The following ENOX1 variants were observed in gnomAD, a reference collection of about 807,000 sequenced individuals.
The protein encoded by ENOX1 is ecto-NOX disulfide-thiol exchanger 1.
Under a neutral mutation model 82.5 loss-of-function variants are expected in ENOX1, and 42 were observed. The observed-to-expected ratio is 0.51, with a 90% CI of 0.40 to 0.66. ENOX1 has a LOEUF of 0.66. Among genes scored for constraint, ENOX1 ranks in the 30% least tolerant of loss-of-function variants. The pLI is 0.00. For missense variants in ENOX1, 608 were observed against 811.6 expected (o/e 0.75, Z 3.05); for synonymous variants, 271 against 282.2 (o/e 0.96, Z 0.40).
At chr13:43,271,608 G>C (rs2044685962) in intron 12 of ENOX1, among the ~76,000 whole-genome samples, 1 of 151,962 alleles carries the variant, frequency 6.6e-6, no homozygotes, top group South Asian at 2.1e-4. Flanking sequence ...AAATAAGAGG[G>C]AGAAGTGCAT....
intron 2 of ENOX1, among the ~76,000 whole-genome samples, chr13:43,492,553 C>T (rs777838993): frequency 8.5e-5 from 13 of 152,098 alleles, no homozygotes; most frequent in South Asian, 2.1e-4. Flanking sequence ...CCCAGTGCAT[C>T]GTAAGCAGCT....
intron 2 of ENOX1, among the ~76,000 whole-genome samples, chr13:43,599,619 G>A (rs2081615177): frequency 6.6e-6 from 1 of 151,888 alleles, no homozygotes; most frequent in South Asian, 2.1e-4. Context: ...CAATTCCTGG[G>A]CAAGTTCTGG....
intron 1 of ENOX1, among the ~76,000 whole-genome samples, chr13:43,700,317 G>C (rs2086846766): frequency 2.6e-5 from 4 of 151,984 alleles, no homozygotes; most frequent in Admixed American, 2.6e-4. Context: ...TATTTTCTTG[G>C]GTTTTCGAGA....
At chr13:43,721,356 A>C (rs527797968) in intron 1 of ENOX1, among the ~76,000 whole-genome samples, 14 of 150,034 alleles carry the variant, frequency 9.3e-5, no homozygotes, top group African/African-American at 3.4e-4. Context: ...AATAAGAAAA[A>C]GCTTTTATAT....
chr13:43,488,056 T>C (rs111494607), intron 2 of ENOX1, among the ~76,000 whole-genome samples: 1 of 152,192 alleles, frequency 6.6e-6, no homozygotes, highest in Non-Finnish European at 1.5e-5. Context: ...GCCAGACCCA[T>C]ACAATATTGT....
At chr13:43,475,391 C>T (rs1223049964) in intron 3 of ENOX1, among the ~76,000 whole-genome samples, 1 of 152,044 alleles carries the variant, frequency 6.6e-6, no homozygotes, top group Non-Finnish European at 1.5e-5. Flanking sequence ...GATTTAGGCT[C>T]AATTATGAAA....
intron 3 of ENOX1, among the ~76,000 whole-genome samples, chr13:43,443,200 C>T (rs1286290882): frequency 6.6e-6 from 1 of 152,036 alleles, no homozygotes; most frequent in Non-Finnish European, 1.5e-5. Context: ...ATAAATCTTT[C>T]GTATATAGCA....
At chr13:43,705,330 C>CTCTATATATA (rs141765196) in intron 1 of ENOX1, among the ~76,000 whole-genome samples, 68 of 129,848 alleles carry the variant, frequency 5.2e-4, no homozygotes, top group African/African-American at 1.2e-3. Context: ...CTCTCTCTCT[C>CTCTATATATA]TATATATATA....
chr13:43,424,386 G>A (rs1226052160), intron 3 of ENOX1, among the ~76,000 whole-genome samples: 2 of 152,110 alleles, frequency 1.3e-5, no homozygotes, highest in Non-Finnish European at 2.9e-5. Flanking sequence ...TTAAATGGTG[G>A]CAAACTGGCA....
intron 1 of ENOX1, among the ~76,000 whole-genome samples, chr13:43,781,135 A>C (rs545725071): frequency 1.2e-3 from 176 of 152,354 alleles, no homozygotes; most frequent in Non-Finnish European, 1.7e-3. Context: ...TCATTGGCTA[A>C]GTTGGCTATT....
chr13:43,430,691 G>A (rs746874207), intron 3 of ENOX1, among the ~76,000 whole-genome samples: 1 of 152,066 alleles, frequency 6.6e-6, no homozygotes, highest in African/African-American at 2.4e-5. Flanking sequence ...GAGTGCAAGC[G>A]AATTTTACTT....
Position 43,767,032 on chromosome 13 carries a change from T to A in ENOX1, c.-285+19620A>T, listed in dbSNP as rs117834774. Among the ~76,000 whole-genome samples the A allele has an allele frequency of 7.8e-3, 1,185 of 152,260 alleles. 6 individuals are homozygous for A. Among genetic ancestry groups the A allele is most frequent in the Non-Finnish European group, 0.013 (885 of 68,018 alleles). ...TCCTTTCAATAGAACTGAAGTGCACTTCACCAACACAGAGCACAGGCATCT... is the reference window on the plus strand; with the variant it reads ...TCCTTTCAATAGAACTGAAGTGCACATCACCAACACAGAGCACAGGCATCT... On this transcript the variant is annotated intron_variant, in intron 1 of 16. Transcript: ENST00000690772.
At chr13:43,271,555 T>A (rs2044684164) in intron 12 of ENOX1, among the ~76,000 whole-genome samples, 1 of 152,012 alleles carries the variant, frequency 6.6e-6, no homozygotes, top group Non-Finnish European at 1.5e-5. Flanking sequence ...AAGAGAGGAA[T>A]ACTACTTGGA....
At chr13:43,501,819 C>A in intron 2 of ENOX1, among the ~76,000 whole-genome samples, 1 of 147,156 alleles carries the variant, frequency 6.8e-6, no homozygotes, top group Non-Finnish European at 1.5e-5. Context: ...AATGAATGAC[C>A]TAATTGTATG....
intron 1 of ENOX1, among the ~76,000 whole-genome samples, chr13:43,752,348 G>C (rs2153831431): frequency 6.6e-6 from 1 of 152,036 alleles, no homozygotes; most frequent in South Asian, 2.1e-4. Flanking sequence ...CATTCTCTTA[G>C]TACTATCTTT....
chr13:43,696,081 A>T (rs2086626932), intron 1 of ENOX1, among the ~76,000 whole-genome samples: 2 of 152,262 alleles, frequency 1.3e-5, no homozygotes, highest in South Asian at 4.1e-4. Context: ...ACTCAGCATA[A>T]TGTCTTCAAA....
At chr13:43,650,365 G>A (rs1323876251) in intron 2 of ENOX1, among the ~76,000 whole-genome samples, 1 of 152,110 alleles carries the variant, frequency 6.6e-6, no homozygotes, top group Non-Finnish European at 1.5e-5. Context: ...GCAGGCCACA[G>A]GCTGGATTTT....
At chr13:43,652,442 T>C (rs1316225813) in intron 2 of ENOX1, among the ~76,000 whole-genome samples, 1 of 152,178 alleles carries the variant, frequency 6.6e-6, no homozygotes, top group Non-Finnish European at 1.5e-5. Flanking sequence ...GTGGTGGTGA[T>C]GGTGCCACCA....
At chr13:43,578,467 T>C (rs1230946402) in intron 2 of ENOX1, among the ~76,000 whole-genome samples, 1 of 152,196 alleles carries the variant, frequency 6.6e-6, no homozygotes, top group Admixed American at 6.5e-5. Flanking sequence ...ATGCTAATAA[T>C]TCATACTTAA....
Sources: allele counts gnomAD v4.1 joint callset (sites outside exome capture counted in the v4.1 genomes callset), GRCh38; gene constraint gnomAD v4.1.1; transcripts MANE v1.5; gene names NCBI Gene and HGNC (gene_info 2026-07-23, HGNC 2026-07-21).